The following PCDHGA9 variants were observed in gnomAD, a reference collection of about 807,000 sequenced individuals.
PCDHGA9 encodes protocadherin gamma subfamily A, 9.
PCDHGA9 carries 37 observed loss-of-function variants against 62.5 expected under a neutral mutation model. The ratio of observed to expected loss-of-function variants is 0.59; its 90% CI spans 0.46 to 0.78. PCDHGA9 has a LOEUF of 0.78. Ranked by LOEUF, PCDHGA9 falls within the 30% of genes least tolerant of loss-of-function variation. PCDHGA9 has a pLI of 0.00. For synonymous variants in PCDHGA9, 459 were observed against 484.6 expected (o/e 0.95, Z 0.69); for missense variants, 1,138 against 1,166.2 (o/e 0.98, Z 0.35).
Position 141,486,486 on chromosome 5 carries a change from A to G in PCDHGA9, c.2425-8321A>G. The G allele has an allele frequency of 6.2e-7, 1 of 1,614,056 alleles. No individual in the cohort carries two copies. Among genetic ancestry groups the G allele is most frequent in the South Asian group, 1.1e-5 (1 of 91,084 alleles). ...GCTGGGAACCCTCCTCTCAGTACCC[A>G]CAGAACTATTTTCCTCAATATTTCA... On this transcript the variant is annotated intron_variant, in intron 1 of 3. Coordinates refer to ENST00000573521, the MANE Select transcript of PCDHGA9 (RefSeq NM_018921.3). The surrounding 1 kb of genome is among the most constrained non-coding windows in gnomAD (Gnocchi z 5.0).
chr5:141,425,401 T>C (rs1280463432), intron 1 of PCDHGA9, among the ~76,000 whole-genome samples: 1 of 152,234 alleles, frequency 6.6e-6, no homozygotes, highest in Non-Finnish European at 1.5e-5. Context: ...AAAGTTCTGT[T>C]AAGGTATAAC....
In PCDHGA9 at chr5:141,413,207, C is replaced by G. The variant is rs563279284; in HGVS notation, c.2424+7831C>G. The G allele has an allele frequency of 2.1e-4, 334 of 1,612,874 alleles. 3 individuals carry two copies. In the South Asian group the frequency reaches 3.4e-3, roughly 17 times the overall value. On this transcript the variant is annotated intron_variant, in intron 1 of 3. Coordinates refer to ENST00000573521, the MANE Select transcript of PCDHGA9 (RefSeq NM_018921.3). ...GCTCAAAGGAATCGCTCAAAGGAAT[C>G]AAAGGATTGCAGCGGGCTGGTCCTG... is the stretch of plus-strand genomic sequence containing the variant.
At chr5:141,456,148 C>G (rs1408257938) in intron 1 of PCDHGA9, among the ~76,000 whole-genome samples, 1 of 152,080 alleles carries the variant, frequency 6.6e-6, no homozygotes, top group African/African-American at 2.4e-5. Flanking sequence ...CCGCCCGCCT[C>G]GGCCTCCTAA....
At position 141,485,541 on chromosome 5, in the gene PCDHGA9, T is replaced by A; in HGVS notation, c.2425-9266T>A. 2 of 1,613,902 alleles carry A rather than the reference T, an allele frequency of 1.2e-6. No homozygotes were observed. Among genetic ancestry groups the A allele is most frequent in the Non-Finnish European group, 1.7e-6 (2 of 1,179,958 alleles). ...GAAATGTACCGAGCAGAGGTAGAGATCGTAGATGTGAATGATCACGCCCCC... is the reference window on the plus strand; with the variant it reads ...GAAATGTACCGAGCAGAGGTAGAGAACGTAGATGTGAATGATCACGCCCCC... On this transcript the variant is annotated intron_variant, in intron 1 of 3. Coordinates refer to ENST00000573521, the MANE Select transcript of PCDHGA9 (RefSeq NM_018921.3). The surrounding 1 kb of genome is among the most constrained non-coding windows in gnomAD (Gnocchi z 5.7).
chr5:141,472,980 CA>C (rs60579131), intron 1 of PCDHGA9, among the ~76,000 whole-genome samples: 39,687 of 85,940 alleles, frequency 0.46, 5,633 homozygotes, highest in African/African-American at 0.56. Flanking sequence ...GAGTGAAACT[CA>C]AAAAAAAAAA....
intron 1 of PCDHGA9, among the ~76,000 whole-genome samples, chr5:141,433,395 CTATCTA>C (rs1561869588): frequency 2.0e-5 from 3 of 150,654 alleles, no homozygotes; most frequent in African/African-American, 7.3e-5. Flanking sequence ...ATCTATCTAT[CTATCTA>C]TCTATTACTT....
chr5:141,446,275 A>G (rs1229842331), intron 1 of PCDHGA9, among the ~76,000 whole-genome samples: 1 of 152,156 alleles, frequency 6.6e-6, no homozygotes, highest in African/African-American at 2.4e-5. Flanking sequence ...GAATAAATAC[A>G]ATGGATAAAT....
In PCDHGA9 at chr5:141,431,048, A is replaced by T; in HGVS notation, c.2424+25672A>T. On this transcript the variant is annotated intron_variant, in intron 1 of 3. Transcript: ENST00000573521. This position sits in a 1 kb window ranked among gnomAD's most constrained non-coding sequence, Gnocchi z 4.8. ...CAGGATAGACCGGGAGGAGCTCTGT[A>T]TGGGGGCCATCAAGTGTCAATTAAA... 6.2e-7 allele frequency: 1 copy of T among 1,614,180 alleles called. No homozygotes were observed. The highest frequency in any genetic ancestry group is 1.1e-5 in the South Asian group (1 of 91,088).
chr5:141,460,924 A>ATG (rs1333352687), intron 1 of PCDHGA9, among the ~76,000 whole-genome samples: 26 of 150,590 alleles, frequency 1.7e-4, no homozygotes, highest in South Asian at 6.3e-4. Flanking sequence ...ATATATATAT[A>ATG]TGTGTGTGTG....
chr5:141,412,963 G>T, intron 1 of PCDHGA9: 1 of 518,228 alleles, frequency 1.9e-6, no homozygotes, highest in East Asian at 3.1e-5. Context: ...TCACCTACTA[G>T]GAGAGAAAAC....
chr5:141,415,920 G>T, intron 1 of PCDHGA9: 1 of 692,798 alleles, frequency 1.4e-6, no homozygotes, highest in Non-Finnish European at 2.0e-6. Context: ...AGAAGTGCCT[G>T]TCAATTTATA....
chr5:141,487,810 C>G lies in PCDHGA9; in HGVS notation c.2425-6997C>G, dbSNP rs377060474. ...ATTAACCAGAGTTGTCACAGTTTAGCATTGGGGGCGGGTCATGCCTATATC... is the reference window on the plus strand; with the variant it reads ...ATTAACCAGAGTTGTCACAGTTTAGGATTGGGGGCGGGTCATGCCTATATC... On this transcript the variant is annotated intron_variant, in intron 1 of 3. Coordinates refer to ENST00000573521, the MANE Select transcript of PCDHGA9 (RefSeq NM_018921.3). The surrounding 1 kb of genome is among the most constrained non-coding windows in gnomAD (Gnocchi z 5.0). 7.1e-7 allele frequency: 1 copy of G among 1,417,854 alleles called. No homozygotes were observed. The highest frequency in any genetic ancestry group is 2.1e-5 in the Admixed American group (1 of 47,076). The allele number at this position is 1,417,854 out of a possible 1,614,324, so 87.8% of individuals were successfully genotyped here.
Position 141,432,098 on chromosome 5 carries a change from G to C in PCDHGA9, c.2424+26722G>C, listed in dbSNP as rs771050429. The C allele has an allele frequency of 1.9e-6, 3 of 1,613,938 alleles. No homozygotes were observed. The highest frequency in any genetic ancestry group is 1.7e-5 in the Admixed American group (1 of 59,992). On this transcript the variant is annotated intron_variant, in intron 1 of 3. Transcript: ENST00000573521. The surrounding 1 kb of genome is among the most constrained non-coding windows in gnomAD (Gnocchi z 6.0). ...CTCGCTGAACGTGGCAGACACCAAC[G>C]ACAACCCGCCGGTCTTCCCTCAGGC...
chr5:141,475,740 A>G (rs942793010), intron 1 of PCDHGA9, among the ~76,000 whole-genome samples: 4 of 152,280 alleles, frequency 2.6e-5, no homozygotes, highest in Non-Finnish European at 5.9e-5. Flanking sequence ...TCCCTAAGGT[A>G]GGTTTCCTAT....
In PCDHGA9 at chr5:141,432,725, G is replaced by T; in HGVS notation, c.2424+27349G>T. The T allele has an allele frequency of 6.2e-7, 1 of 1,614,014 alleles. No individual in the cohort carries two copies. On this transcript the variant is annotated intron_variant, in intron 1 of 3. Coordinates refer to ENST00000573521, the MANE Select transcript of PCDHGA9 (RefSeq NM_018921.3). The surrounding 1 kb of genome is among the most constrained non-coding windows in gnomAD (Gnocchi z 6.0). ...GGACCACGGCCAGCCCCCTCTCTCC[G>T]CCACTGTCACGCTCACCGTGGCCGT...
chr5:141,438,627 TATATATATACACACAC>T (rs1396288881), intron 1 of PCDHGA9, among the ~76,000 whole-genome samples: 69 of 48,002 alleles, frequency 1.4e-3, no homozygotes, highest in Admixed American at 2.8e-3. Flanking sequence ...TATATATATA[TATATATATACACACAC>T]ACACACACAT....
Position 141,494,880 on chromosome 5 carries a change from C to T in PCDHGA9, c.2483+15C>T. On this transcript the variant is annotated intron_variant, in intron 2 of 3. Transcript: ENST00000573521. ...GGCACCAGCGGGTAGGTGACTGATT[C>T]TCCAGCCCACCCTCTTCTCTGCGGC... 3 of 1,614,158 alleles carry T rather than the reference C, an allele frequency of 1.9e-6. No homozygotes were observed. Among genetic ancestry groups the T allele is most frequent in the Non-Finnish European group, 1.7e-6 (2 of 1,180,012 alleles).
intron 1 of PCDHGA9, chr5:141,410,438 G>A (rs957017717): frequency 2.5e-6 from 4 of 1,613,894 alleles, no homozygotes; most frequent in African/African-American, 2.7e-5. Flanking sequence ...CTACAGTGAG[G>A]GGACTTTGCC....
At chr5:141,423,841 T>A (rs1413277726) in intron 1 of PCDHGA9, 15 of 1,282,014 alleles carry the variant, frequency 1.2e-5, no homozygotes, top group Non-Finnish European at 1.4e-5. Context: ...ATTACGATAA[T>A]CTTTCAGAAC....
Sources: allele counts gnomAD v4.1 joint callset (sites outside exome capture counted in the v4.1 genomes callset), GRCh38; gene constraint gnomAD v4.1.1; non-coding constraint Gnocchi (gnomAD v3.1); transcripts MANE v1.5; gene names NCBI Gene and HGNC (gene_info 2026-07-23, HGNC 2026-07-21).